Variants in IMPG2 observed in about 807,000 individuals in gnomAD.
The protein encoded by IMPG2 is interphotoreceptor matrix proteoglycan 2.
Under a neutral mutation model 129.2 loss-of-function variants are expected in IMPG2, and 91 were observed. That is an observed-to-expected ratio of 0.70 (90% CI 0.59 to 0.84). The LOEUF (loss-of-function observed/expected upper bound fraction) is 0.84, where lower values mean the gene tolerates loss of function less well. Among genes scored for constraint, IMPG2 ranks in the 40% least tolerant of loss-of-function variants. The pLI, the probability that IMPG2 is intolerant of heterozygous loss-of-function variation, is 0.00. For synonymous variants in IMPG2, 510 were observed against 517.7 expected, an observed-to-expected ratio of 0.99 and a Z score of 0.20; for missense variants, 1,430 against 1,461.7, an observed-to-expected ratio of 0.98 and a Z score of 0.35.
At chr3:101,273,310 A>G (rs1297937408) in intron 7 of IMPG2, among the ~76,000 whole-genome samples, 1 of 152,232 alleles carries the variant, frequency 6.6e-6, no homozygotes, top group African/African-American at 2.4e-5. Context: ...AGTCAAAACC[A>G]TGCCACAGAA....
rs1310100851 is a variant in IMPG2 at position 101,224,344 on chromosome 3, T to A, written c.*2625A>T. 1.3e-5 allele frequency: 2 copies of A among 152,256 alleles called. No individual in the cohort carries two copies. The highest frequency in any genetic ancestry group is 2.9e-5 in the Non-Finnish European group (2 of 68,040). The allele number at this position is 152,256 out of a possible 1,614,324, so 9.4% of individuals were successfully genotyped here. A position where few individuals can be genotyped will look rare whatever the true frequency, so the allele number is the denominator to read the frequency against. On this transcript the variant is annotated 3_prime_UTR_variant, in exon 19 of 19. Transcript: ENST00000193391. The stretch of plus-strand genomic sequence containing the variant: ...CACCACAGTATCTTACAACCTTTTA[T>A]AATAACATTTTTAAAATGGTTATTT...
intron 9 of IMPG2, among the ~76,000 whole-genome samples, chr3:101,262,339 T>G (rs780927213): frequency 6.6e-6 from 1 of 152,186 alleles, no homozygotes; most frequent in East Asian, 1.9e-4. Context: ...AAAAACTTCA[T>G]GTGCATATAA....
chr3:101,229,660 G>T, intron 16 of IMPG2, 70 bp from the exon 17 acceptor site: 1 of 1,349,004 alleles, frequency 7.4e-7, no homozygotes, highest in Non-Finnish European at 1.0e-6. Flanking sequence ...TATTTACCTG[G>T]GACAATATTT....
At chr3:101,304,339 C>A (rs1707167359) in intron 2 of IMPG2, 27 bp from the exon 3 acceptor site, 3 of 1,608,256 alleles carry the variant, frequency 1.9e-6, no homozygotes, top group Non-Finnish European at 2.6e-6. Context: ...TGTTTTTTTA[C>A]AAAAAGCTAA....
intron 3 of IMPG2, among the ~76,000 whole-genome samples, chr3:101,296,475 AT>A (rs1160146405): frequency 2.0e-5 from 3 of 152,140 alleles, no homozygotes; most frequent in African/African-American, 7.2e-5. Context: ...CCAGTATTTT[AT>A]TGAGGATTTT....
At chr3:101,286,214 TA>T (rs1706944330) in intron 4 of IMPG2, among the ~76,000 whole-genome samples, 1 of 152,182 alleles carries the variant, frequency 6.6e-6, no homozygotes, top group African/African-American at 2.4e-5. Context: ...AATACATTAG[TA>T]TTAGCTAATA....
intron 9 of IMPG2, among the ~76,000 whole-genome samples, chr3:101,259,191 G>A (rs1419113277): frequency 6.6e-6 from 1 of 152,062 alleles, no homozygotes; most frequent in Non-Finnish European, 1.5e-5. Context: ...AGTCTCTGCA[G>A]GACATCCATC....
chr3:101,318,963 T>C (rs2058797633), intron 2 of IMPG2, among the ~76,000 whole-genome samples: 1 of 152,128 alleles, frequency 6.6e-6, no homozygotes, highest in Non-Finnish European at 1.5e-5. Context: ...AAATTTTATG[T>C]GTACCAACTA....
At chr3:101,309,020 T>C (rs1401999735) in intron 2 of IMPG2, among the ~76,000 whole-genome samples, 4 of 152,216 alleles carry the variant, frequency 2.6e-5, no homozygotes, top group African/African-American at 4.8e-5. Context: ...GTCTGTTTGC[T>C]AAGACATAGT....
At chr3:101,289,375 G>C (rs191769440) in intron 4 of IMPG2, among the ~76,000 whole-genome samples, 62 of 152,152 alleles carry the variant, frequency 4.1e-4, no homozygotes, top group Admixed American at 1.1e-3. Flanking sequence ...CTCTAATACT[G>C]CTTCTTCATC....
chr3:101,265,303 C>T (rs1706711070), intron 9 of IMPG2, among the ~76,000 whole-genome samples: 1 of 152,024 alleles, frequency 6.6e-6, no homozygotes, highest in Non-Finnish European at 1.5e-5. Flanking sequence ...AAATATAGTA[C>T]AAAGCTGTAG....
intron 2 of IMPG2, among the ~76,000 whole-genome samples, chr3:101,309,263 C>T (rs942980042): frequency 6.6e-6 from 1 of 152,186 alleles, no homozygotes; most frequent in African/African-American, 2.4e-5. Context: ...GGTATCTTTA[C>T]AGCAATGCCC....
At chr3:101,228,928 C>T (rs946813894) in intron 17 of IMPG2, 52 bp from the exon 18 acceptor site, 4 of 1,330,080 alleles carry the variant, frequency 3.0e-6, no homozygotes, top group Non-Finnish European at 4.3e-6. Context: ...AAAACCTCAA[C>T]AGCCTTTTAA....
chr3:101,236,422 T>C (rs979426265), intron 14 of IMPG2, among the ~76,000 whole-genome samples: 1 of 152,080 alleles, frequency 6.6e-6, no homozygotes, highest in African/African-American at 2.4e-5. Flanking sequence ...GATGGCCAAA[T>C]AGGAACAGCT....
chr3:101,257,235 C>T (rs1706620555), intron 10 of IMPG2, among the ~76,000 whole-genome samples: 1 of 152,076 alleles, frequency 6.6e-6, no homozygotes, highest in African/African-American at 2.4e-5. Flanking sequence ...TGTTTCAATG[C>T]ACACTTCCAA....
intron 3 of IMPG2, among the ~76,000 whole-genome samples, chr3:101,292,298 C>T (rs1004980745): frequency 1.3e-5 from 2 of 152,152 alleles, no homozygotes; most frequent in Non-Finnish European, 2.9e-5. Context: ...TACAGGCATA[C>T]CTCTGATATA....
chr3:101,311,863 T>A (rs541496863), intron 2 of IMPG2, among the ~76,000 whole-genome samples: 1 of 152,200 alleles, frequency 6.6e-6, no homozygotes, highest in South Asian at 2.1e-4. Flanking sequence ...ATCAATGGAA[T>A]ACAATTGAGA....
chr3:101,319,989 A>AGT (rs2058803776), intron 1 of IMPG2, among the ~76,000 whole-genome samples, 157 bp from the exon 2 acceptor site: 1 of 152,104 alleles, frequency 6.6e-6, no homozygotes, highest in African/African-American at 2.4e-5. Flanking sequence ...GGAGTGAGGC[A>AGT]GTCCATCTTT....
intron 13 of IMPG2, 75 bp downstream of exon 13, chr3:101,243,454 T>G (rs556605710): frequency 1.5e-6 from 2 of 1,304,360 alleles, no homozygotes; most frequent in South Asian, 2.4e-5. Flanking sequence ...GCTCAGACCT[T>G]ATGTGCTAGA....
Sources: allele counts gnomAD v4.1 joint callset (sites outside exome capture counted in the v4.1 genomes callset), GRCh38; gene constraint gnomAD v4.1.1; transcripts MANE v1.5; gene names NCBI Gene and HGNC (gene_info 2026-07-23, HGNC 2026-07-21).